The following TNFAIP8 variants were observed in gnomAD, a reference collection of about 807,000 sequenced individuals.
TNFAIP8 encodes the protein tumor necrosis factor alpha-induced protein 8.
A neutral mutation model predicts 13.3 loss-of-function variants in TNFAIP8; 7 were observed. That is an observed-to-expected ratio of 0.52 (90% CI 0.30 to 0.99). The LOEUF is 0.99. TNFAIP8 is among the 50% of genes least tolerant of loss of function. The pLI is 0.07. For synonymous variants in TNFAIP8, 94 were observed against 87.6 expected (o/e 1.07, Z -0.41); for missense variants, 258 against 236.9 (o/e 1.09, Z -0.58).
At chr5:119,296,677 A>G (rs964038060) in intron 1 of TNFAIP8, among the ~76,000 whole-genome samples, 1 of 152,088 alleles carries the variant, frequency 6.6e-6, no homozygotes. Context: ...TTTTCTATTG[A>G]TTGGAATAGC....
chr5:119,318,899 G>A (rs1749975815), intron 1 of TNFAIP8, among the ~76,000 whole-genome samples: 1 of 152,096 alleles, frequency 6.6e-6, no homozygotes, highest in African/African-American at 2.4e-5. Flanking sequence ...TACGTGTTTG[G>A]GTCCCTTTCA....
At chr5:119,314,203 AAAAAAAC>A (rs1292057505) in intron 1 of TNFAIP8, among the ~76,000 whole-genome samples, 2 of 145,614 alleles carry the variant, frequency 1.4e-5, no homozygotes, top group Non-Finnish European at 3.1e-5. Context: ...ACAAACAAAC[AAAAAAAC>A]CATGTCTGTC....
At chr5:119,338,713 G>C (rs918789615) in intron 1 of TNFAIP8, among the ~76,000 whole-genome samples, 1 of 152,152 alleles carries the variant, frequency 6.6e-6, no homozygotes, top group South Asian at 2.1e-4. Flanking sequence ...CATCCGTTGT[G>C]GCTTTTACTG....
chr5:119,299,977 C>T (rs905989017), intron 1 of TNFAIP8, among the ~76,000 whole-genome samples: 4 of 152,184 alleles, frequency 2.6e-5, no homozygotes, highest in Admixed American at 1.3e-4. Flanking sequence ...GCAGTATTAG[C>T]GTGGGAGTGA....
intron 1 of TNFAIP8, among the ~76,000 whole-genome samples, chr5:119,348,844 C>T (rs1411628236): frequency 7.4e-6 from 1 of 135,690 alleles, no homozygotes; most frequent in South Asian, 2.5e-4. Context: ...TGCACCACTG[C>T]ACTCTAGACT....
At chr5:119,282,393 T>C (rs1237822042) in intron 1 of TNFAIP8, among the ~76,000 whole-genome samples, 1 of 152,250 alleles carries the variant, frequency 6.6e-6, no homozygotes, top group Non-Finnish European at 1.5e-5. Flanking sequence ...CTTTGCCTCT[T>C]TTCCTCTGAT....
chr5:119,347,340 T>TTATA (rs1196747192), intron 1 of TNFAIP8, among the ~76,000 whole-genome samples: 1 of 152,198 alleles, frequency 6.6e-6, no homozygotes, highest in Non-Finnish European at 1.5e-5. Flanking sequence ...TATGGGCTGA[T>TTATA]TATATATCAC....
At position 119,357,192 on chromosome 5, in the gene TNFAIP8, T is replaced by C. The variant is rs542961671; in HGVS notation, c.31+1071T>C. On this transcript the variant is annotated intron_variant, in intron 1 of 1. Coordinates refer to ENST00000504771, the MANE Select transcript of TNFAIP8 (RefSeq NM_014350.4). ...TTGTGGGCTCACGTTTACCTTATTA[T>C]GCTGTGTGAGGGAAATAGTCAATAA... 1.8e-4 allele frequency among the ~76,000 whole-genome samples: 27 copies of C among 152,302 alleles called. No individual in the cohort carries two copies. In the South Asian group the frequency reaches 3.7e-3, roughly 21 times the overall value.
rs1562040698 is a variant in TNFAIP8, at chr5:119,394,760, C to G, written c.*1379C>G. Reference sequence around the variant, plus strand: ...TAGCTGGGATTACAGGCATGCACCACCACACCCAGCTAATTTTTGTATTTT... The same window carrying G: ...TAGCTGGGATTACAGGCATGCACCAGCACACCCAGCTAATTTTTGTATTTT... On this transcript the variant is annotated 3_prime_UTR_variant, in exon 2 of 2. Coordinates refer to ENST00000504771, the MANE Select transcript of TNFAIP8 (RefSeq NM_014350.4). The G allele has an allele frequency of 6.6e-6, 1 of 152,062 alleles. No individual in the cohort carries two copies. Among genetic ancestry groups the G allele is most frequent in the Admixed American group, 6.5e-5 (1 of 15,272 alleles). The allele number at this position is 152,062 out of a possible 1,614,324, so 9.4% of individuals were successfully genotyped here.
In TNFAIP8 at chr5:119,395,048, C is replaced by G. The variant is rs937671786; in HGVS notation, c.*1667C>G. 2 of 152,146 alleles carry G rather than the reference C, an allele frequency of 1.3e-5. No individual in the cohort carries two copies. Among genetic ancestry groups the G allele is most frequent in the African/African-American group, 4.8e-5 (2 of 41,422 alleles). The allele number at this position is 152,146 out of a possible 1,614,324, so 9.4% of individuals were successfully genotyped here. ...CCCATTTCAGCCTAGAGAGGGTGGT[C>G]AGTTTCTCTGACACCCTCATTTGCT... On this transcript the variant is annotated 3_prime_UTR_variant, in exon 2 of 2. Transcript: ENST00000504771.
chr5:119,311,653 C>T (rs976930506), intron 1 of TNFAIP8, among the ~76,000 whole-genome samples: 2 of 122,292 alleles, frequency 1.6e-5, no homozygotes, highest in African/African-American at 6.2e-5. Context: ...TGCGCCACTG[C>T]ACTCCAGCCT....
rs1007535933 is a variant in TNFAIP8, at chr5:119,306,022, C to T, written c.1+37115C>T. On this transcript the variant is annotated intron_variant, in intron 1 of 1. Transcript: ENST00000274456. ...GCCTGCGCCGCCCTGCCCTCAACCC[C>T]GCTGCCCACCACCTCCCAGATAAGG... is the stretch of plus-strand genomic sequence containing the variant. Among the ~76,000 whole-genome samples, 12 of 152,318 alleles carry T rather than the reference C, an allele frequency of 7.9e-5. No homozygotes were observed. In the South Asian group the frequency reaches 2.1e-3, roughly 26 times the overall value.
At chr5:119,387,503 C>G (rs1426708069) in intron 1 of TNFAIP8, among the ~76,000 whole-genome samples, 3 of 151,984 alleles carry the variant, frequency 2.0e-5, no homozygotes, top group East Asian at 3.8e-4. Context: ...ACTGGTAAGA[C>G]TGTAAAGAAA....
At chr5:119,338,559 T>C (rs1750635707) in intron 1 of TNFAIP8, among the ~76,000 whole-genome samples, 1 of 152,216 alleles carries the variant, frequency 6.6e-6, no homozygotes, top group African/African-American at 2.4e-5. Context: ...ACAGCAGGCT[T>C]GAGGAAATGG....
chr5:119,304,030 G>A (rs1046122291), intron 1 of TNFAIP8, among the ~76,000 whole-genome samples: 2 of 152,118 alleles, frequency 1.3e-5, no homozygotes, highest in African/African-American at 4.8e-5. Flanking sequence ...TGGCTTGAGC[G>A]ATCTTTCTAC....
At chr5:119,315,630 T>C (rs1445639350) in intron 1 of TNFAIP8, among the ~76,000 whole-genome samples, 3 of 152,272 alleles carry the variant, frequency 2.0e-5, no homozygotes, top group South Asian at 2.1e-4. Flanking sequence ...CCCAGTGTTG[T>C]TGAACACACT....
intron 1 of TNFAIP8, among the ~76,000 whole-genome samples, chr5:119,373,286 T>C (rs1285793406): frequency 6.6e-6 from 1 of 152,186 alleles, no homozygotes; most frequent in Non-Finnish European, 1.5e-5. Context: ...TACCCCAAAA[T>C]GTAAGAGAGA....
chr5:119,273,234 T>A (rs1197303526), intron 1 of TNFAIP8, among the ~76,000 whole-genome samples: 3 of 152,210 alleles, frequency 2.0e-5, no homozygotes, highest in Admixed American at 6.5e-5. Flanking sequence ...AGCCAGATGT[T>A]CCTCTCCTGT....
chr5:119,359,593 T>C (rs1751558643), intron 1 of TNFAIP8, among the ~76,000 whole-genome samples: 1 of 152,260 alleles, frequency 6.6e-6, no homozygotes, highest in Non-Finnish European at 1.5e-5. Flanking sequence ...TAGTGGTGAT[T>C]AATATCCTCT....
Sources: gnomAD v4.1 joint callset for allele counts (sites outside exome capture counted in the v4.1 genomes callset) on GRCh38, gnomAD v4.1.1 for gene constraint, MANE v1.5 for transcripts, NCBI Gene and HGNC (gene_info 2026-07-23, HGNC 2026-07-21) for gene names.